Variants in KCNMA1 observed in about 807,000 individuals in gnomAD.
The protein encoded by KCNMA1 is potassium calcium-activated channel subfamily M alpha 1, also known as Calcium-activated potassium channel subunit alpha-1.
Under a neutral mutation model 140.0 loss-of-function variants are expected in KCNMA1, and 29 were observed. That is an observed-to-expected ratio of 0.21 (90% CI 0.15 to 0.28). The LOEUF (loss-of-function observed/expected upper bound fraction) is 0.28, where lower values mean the gene tolerates loss of function less well. KCNMA1 is among the 10% of genes least tolerant of loss of function. KCNMA1 has a pLI of 1.00. For missense variants in KCNMA1, 880 were observed against 1,602.2 expected (o/e 0.55, Z 7.70); for synonymous variants, 612 against 611.9 (o/e 1.00, Z 0.00).
intron 1 of KCNMA1, among the ~76,000 whole-genome samples, chr10:77,504,969 A>G (rs2045297060): frequency 6.6e-6 from 1 of 152,292 alleles, no homozygotes; most frequent in East Asian, 1.9e-4. Flanking sequence ...CTAATGCTGG[A>G]AAGTCCAAAT....
In KCNMA1 at chr10:77,545,238, T is replaced by C. The variant is rs558857160; in HGVS notation, c.378+92027A>G. 9.2e-5 allele frequency among the ~76,000 whole-genome samples: 14 copies of C among 152,354 alleles called. No individual in the cohort carries two copies. The East Asian group carries it at 2.7e-3, about 29-fold the overall frequency. ...GGTTAACTGGAGGGGTGCAGTGGTG[T>C]GGATAAAGTAATTTATGTCTGACAC... is the stretch of plus-strand genomic sequence containing the variant. On this transcript the variant is annotated intron_variant, in intron 1 of 27. Transcript: ENST00000286628.
intron 5 of KCNMA1, among the ~76,000 whole-genome samples, chr10:77,154,321 A>G (rs998286770): frequency 1.3e-5 from 2 of 152,130 alleles, no homozygotes; most frequent in African/African-American, 4.8e-5. Flanking sequence ...TAGTAGTGTA[A>G]GAATGGACTA....
chr10:76,980,147 A>G (rs975259509), intron 19 of KCNMA1: 3 of 152,240 alleles, frequency 2.0e-5, no homozygotes, highest in Admixed American at 6.5e-5. Context: ...AAGGGCTGGA[A>G]GCGGCTTGGG....
At chr10:77,337,517 G>A (rs1295412153) in intron 2 of KCNMA1, among the ~76,000 whole-genome samples, 1 of 152,218 alleles carries the variant, frequency 6.6e-6, no homozygotes, top group East Asian at 1.9e-4. Flanking sequence ...CTACTCGGGA[G>A]GTTGAGGCAG....
chr10:77,606,706 G>A (rs1357675837), intron 1 of KCNMA1, among the ~76,000 whole-genome samples: 2 of 152,162 alleles, frequency 1.3e-5, no homozygotes, highest in Admixed American at 1.3e-4. Context: ...GTCCTGAGCT[G>A]AGGGGAGCCA....
At chr10:76,986,564 G>C (rs1031687722) in intron 19 of KCNMA1, among the ~76,000 whole-genome samples, 4 of 152,190 alleles carry the variant, frequency 2.6e-5, no homozygotes, top group African/African-American at 9.6e-5. Context: ...GGGGAATCTG[G>C]TGGGGTTCAG....
intron 24 of KCNMA1, 166 bp from the exon 25 acceptor site, chr10:76,910,262 A>G (rs2152369357): frequency 2.9e-6 from 2 of 695,596 alleles, no homozygotes; most frequent in East Asian, 6.0e-5. Flanking sequence ...AGTGGGACTC[A>G]ATGGACTGTT....
intron 14 of KCNMA1, among the ~76,000 whole-genome samples, chr10:77,041,903 G>C (rs995861443): frequency 2.0e-5 from 3 of 152,184 alleles, no homozygotes; most frequent in African/African-American, 7.2e-5. Flanking sequence ...ACCAGAAGGA[G>C]AGCTAGGAAC....
At chr10:76,887,874 A>G (rs779678186) in intron 27 of KCNMA1, 2 of 315,952 alleles carry the variant, frequency 6.3e-6, no homozygotes, top group Non-Finnish European at 1.2e-5. Flanking sequence ...CTTTCATTTC[A>G]TAATTTTCGG....
At chr10:77,265,050 G>GACTCTTTTTTTTTTTTCCTGAA (rs2063048401) in intron 2 of KCNMA1, among the ~76,000 whole-genome samples, 2 of 151,886 alleles carry the variant, frequency 1.3e-5, no homozygotes, top group Admixed American at 1.3e-4. Context: ...AGCATCAAAA[G>GACTCTTTTTTTTTTTTCCTGAA]ACTCTTTTTT....
At chr10:77,438,410 A>G (rs1326239477) in intron 1 of KCNMA1, among the ~76,000 whole-genome samples, 2 of 152,002 alleles carry the variant, frequency 1.3e-5, no homozygotes, top group South Asian at 2.1e-4. Context: ...CTAAAAATAC[A>G]AAATTAGCCG....
At chr10:77,477,748 G>A (rs953405574) in intron 1 of KCNMA1, among the ~76,000 whole-genome samples, 5 of 152,156 alleles carry the variant, frequency 3.3e-5, no homozygotes, top group Admixed American at 1.3e-4. Context: ...CTGAGTATTG[G>A]TCAATGCCCT....
Position 77,405,575 on chromosome 10 carries a change from G to T in KCNMA1, c.379-1552C>A, listed in dbSNP as rs369651996. On this transcript the variant is annotated intron_variant, in intron 1 of 27. Transcript: ENST00000286628. Reference sequence around the variant, plus strand: ...ATAAGTATATTCCAAATACCACATGGGACATGCTTATACTAAAACCTTATT... The same window carrying T: ...ATAAGTATATTCCAAATACCACATGTGACATGCTTATACTAAAACCTTATT... Among the ~76,000 whole-genome samples, 26 of 143,698 alleles carry T rather than the reference G, an allele frequency of 1.8e-4. 1 individual carries two copies. Among genetic ancestry groups the T allele is most frequent in the African/African-American group, 6.8e-4 (26 of 38,048 alleles). 94.3% of individuals were successfully genotyped at this position (143,698 alleles called of 152,430 possible). A position where few individuals can be genotyped will look rare whatever the true frequency, so the allele number is the denominator to read the frequency against.
At chr10:76,871,106 T>C (rs2031227947) in exon 28 of KCNMA1, 1 of 152,296 alleles carries the variant, frequency 6.6e-6, no homozygotes, top group Admixed American at 6.5e-5. Context: ...CTCCCTAAAA[T>C]AATTCATCCA....
intron 1 of KCNMA1, among the ~76,000 whole-genome samples, chr10:77,524,721 A>T (rs2154551591): frequency 6.6e-6 from 1 of 152,214 alleles, no homozygotes; most frequent in East Asian, 1.9e-4. Flanking sequence ...GGACTGAGGG[A>T]CCTGGGTCTC....
chr10:77,526,991 C>T lies in KCNMA1; in HGVS notation c.378+110274G>A, dbSNP rs1312158557. ...TTACATTGCCATTTCCTTTTCAAATCCTTTGGGGGCATTGTGTACAAATAT... is the reference window on the plus strand; with the variant it reads ...TTACATTGCCATTTCCTTTTCAAATTCTTTGGGGGCATTGTGTACAAATAT... On this transcript the variant is annotated intron_variant, in intron 1 of 27. Transcript: ENST00000286628. Among the ~76,000 whole-genome samples, 3 of 152,184 alleles carry T rather than the reference C, an allele frequency of 2.0e-5. No individual in the cohort carries two copies. The East Asian group carries it at 5.8e-4, about 29-fold the overall frequency.
chr10:77,299,271 T>A (rs975560330), intron 2 of KCNMA1, among the ~76,000 whole-genome samples: 2 of 152,230 alleles, frequency 1.3e-5, no homozygotes, highest in Non-Finnish European at 2.9e-5. Context: ...TAATGCCAGT[T>A]AAACGTTGCA....
chr10:77,011,909 A>G, intron 18 of KCNMA1, 58 bp downstream of exon 18: 1 of 1,440,214 alleles, frequency 6.9e-7, no homozygotes, highest in Non-Finnish European at 9.8e-7. Context: ...GGGAAGGAAA[A>G]GGAATTTGGG....
chr10:77,472,068 G>A (rs1371680169), intron 1 of KCNMA1, among the ~76,000 whole-genome samples: 1 of 142,382 alleles, frequency 7.0e-6, no homozygotes. Flanking sequence ...ATACACACAT[G>A]CACCATACAC....
Sources: allele counts gnomAD v4.1 joint callset (sites outside exome capture counted in the v4.1 genomes callset), GRCh38; gene constraint gnomAD v4.1.1; transcripts MANE v1.5; gene names NCBI Gene and HGNC (gene_info 2026-07-23, HGNC 2026-07-21).